The following TACR3 variants were observed in gnomAD, a reference collection of about 807,000 sequenced individuals.
TACR3 encodes neuromedin-K receptor.
Under a neutral mutation model 35.0 loss-of-function variants are expected in TACR3, and 34 were observed. The observed-to-expected ratio is 0.97, with a 90% CI of 0.74 to 1.30. The LOEUF is 1.30. Among genes scored for constraint, TACR3 ranks in the 50% most tolerant of loss-of-function variants. TACR3 has a pLI of 0.00. For missense variants in TACR3, 558 were observed against 591.7 expected, an observed-to-expected ratio of 0.94 and a Z score of 0.59; for synonymous variants, 233 against 221.1, an observed-to-expected ratio of 1.05 and a Z score of -0.48.
chr4:103,591,820 T>C, intron 3 of TACR3, 137 bp from the exon 4 acceptor site: 1 of 863,560 alleles, frequency 1.2e-6, no homozygotes, highest in Non-Finnish European at 1.8e-6. Flanking sequence ...TAAAAAATGG[T>C]GAAGCAATAT....
Position 103,667,279 on chromosome 4 carries a change from AAAAC to A in TACR3, c.549-8880_549-8877del, listed in dbSNP as rs376853464. Among the ~76,000 whole-genome samples the A allele has an allele frequency of 8.1e-3, 1,227 of 152,210 alleles. 19 individuals carry two copies. Among genetic ancestry groups the A allele is most frequent in the African/African-American group, 0.028 (1,174 of 41,518 alleles). ...CTCAAAAACAAAACAAAACAAAACA[AAAAC>A]AAAAAAACTTTGAGCTCAAATATTT... is the stretch of plus-strand genomic sequence containing the variant. On this transcript the variant is annotated intron_variant, in intron 1 of 4. Transcript: ENST00000304883.
At chr4:103,670,812 T>C (rs1560525259) in intron 1 of TACR3, among the ~76,000 whole-genome samples, 1 of 152,186 alleles carries the variant, frequency 6.6e-6, no homozygotes, top group East Asian at 1.9e-4. Context: ...TATTTCTTTC[T>C]CTTGTCTAAC....
intron 3 of TACR3, among the ~76,000 whole-genome samples, chr4:103,606,707 TAAG>T (rs1724377162): frequency 6.6e-6 from 1 of 152,068 alleles, no homozygotes; most frequent in Non-Finnish European, 1.5e-5. Flanking sequence ...CTTATCAGCT[TAAG>T]GAGATTTTGG....
intron 3 of TACR3, among the ~76,000 whole-genome samples, chr4:103,606,297 TG>T (rs1280382663): frequency 2.0e-5 from 3 of 152,086 alleles, no homozygotes; most frequent in Non-Finnish European, 4.4e-5. Context: ...AGGATTGACT[TG>T]GCGATGCGGG....
At chr4:103,643,959 C>T (rs1209468190) in intron 3 of TACR3, among the ~76,000 whole-genome samples, 1 of 151,720 alleles carries the variant, frequency 6.6e-6, no homozygotes, top group Non-Finnish European at 1.5e-5. Context: ...GATATTTCCT[C>T]CTAATGTTTA....
chr4:103,694,827 C>T (rs1430536541), intron 1 of TACR3, among the ~76,000 whole-genome samples: 1 of 151,990 alleles, frequency 6.6e-6, no homozygotes. Context: ...TAGAGAGAGA[C>T]ATTTGATAAT....
intron 1 of TACR3, among the ~76,000 whole-genome samples, chr4:103,686,446 T>C (rs373407663): frequency 6.6e-6 from 1 of 152,140 alleles, no homozygotes; most frequent in African/African-American, 2.4e-5. Flanking sequence ...AACTGAGCAA[T>C]GGTACCATAG....
intron 3 of TACR3, among the ~76,000 whole-genome samples, chr4:103,630,940 T>A (rs976156283): frequency 2.6e-5 from 4 of 152,256 alleles, no homozygotes; most frequent in East Asian, 1.9e-4. Context: ...CAAATGTCCA[T>A]CAATGATAGA....
At chr4:103,655,408 T>C (rs1725711437) in intron 3 of TACR3, among the ~76,000 whole-genome samples, 1 of 152,108 alleles carries the variant, frequency 6.6e-6, no homozygotes, top group South Asian at 2.1e-4. Flanking sequence ...TCATCTTTGA[T>C]AAAACCTCTC....
chr4:103,682,425 A>G (rs557223480), intron 1 of TACR3, among the ~76,000 whole-genome samples: 35 of 152,170 alleles, frequency 2.3e-4, no homozygotes, highest in Non-Finnish European at 2.5e-4. Context: ...CTTACATGGC[A>G]GCAGGCAAGA....
intron 3 of TACR3, among the ~76,000 whole-genome samples, chr4:103,592,426 C>T (rs1723916327): frequency 1.3e-5 from 2 of 152,150 alleles, no homozygotes; most frequent in South Asian, 4.2e-4. Context: ...CAGCTCTAAT[C>T]AAAGTAGAAT....
At chr4:103,680,103 GA>G (rs1444138213) in intron 1 of TACR3, among the ~76,000 whole-genome samples, 1 of 151,702 alleles carries the variant, frequency 6.6e-6, no homozygotes, top group Non-Finnish European at 1.5e-5. Flanking sequence ...CAGTACTTGA[GA>G]ACAGATAAAA....
At chr4:103,628,003 G>A (rs1176651201) in intron 3 of TACR3, among the ~76,000 whole-genome samples, 1 of 152,068 alleles carries the variant, frequency 6.6e-6, no homozygotes, top group African/African-American at 2.4e-5. Context: ...ACTCAAAACT[G>A]CACAACTTCA....
chr4:103,658,068 T>C, intron 2 of TACR3, 147 bp downstream of exon 2: 1 of 789,650 alleles, frequency 1.3e-6, no homozygotes. Context: ...AATCATACCA[T>C]ATTACAGTAT....
At chr4:103,641,547 T>A (rs540877953) in intron 3 of TACR3, among the ~76,000 whole-genome samples, 5 of 152,052 alleles carry the variant, frequency 3.3e-5, no homozygotes, top group African/African-American at 1.2e-4. Flanking sequence ...AGTACAGCCA[T>A]TGCGTAAAAC....
Position 103,589,761 on chromosome 4 carries a change from G to A in TACR3, c.1319C>T (p.Ser440Phe). 6.2e-7 allele frequency: 1 copy of A among 1,613,970 alleles called. No individual in the cohort carries two copies. Among genetic ancestry groups the A allele is most frequent in the Non-Finnish European group, 8.5e-7 (1 of 1,179,892 alleles). ...GGAGGCAGATTTGGAATTCCTGCGA[G>A]AGCAGCCATTGAAACTTGGGTCTCT... ...TPRDPSFNGC[S>F]RRNSKSASAT... Residue 440 changes from serine (S) to phenylalanine (F), a missense_variant, in exon 5 of 5, where the codon TCT (serine) becomes TTT (phenylalanine). Ser to Phe is a radical substitution (Grantham distance 155). Transcript: ENST00000304883.
rs927407298 is a variant in TACR3 at position 103,594,521 on chromosome 4, T to C, written c.889-2838A>G. On this transcript the variant is annotated intron_variant, in intron 3 of 4. Coordinates refer to ENST00000304883, the MANE Select transcript of TACR3 (RefSeq NM_001059.3). The stretch of plus-strand genomic sequence containing the variant: ...GGGCACATGAAAGCATTAGATTTCA[T>C]TCTAAGCAAATGTTAAGAGCAAGTA... Among the ~76,000 whole-genome samples the C allele has an allele frequency of 3.3e-5, 5 of 152,212 alleles. No individual in the cohort carries two copies. In the East Asian group the frequency reaches 7.7e-4, roughly 23 times the overall value.
intron 1 of TACR3, among the ~76,000 whole-genome samples, chr4:103,660,211 A>C (rs1040986223): frequency 2.0e-5 from 3 of 152,052 alleles, no homozygotes; most frequent in Non-Finnish European, 2.9e-5. Flanking sequence ...ATTTACCTAA[A>C]GAAAACAGTC....
intron 3 of TACR3, among the ~76,000 whole-genome samples, chr4:103,642,332 ATTT>A (rs1725372485): frequency 1.4e-5 from 2 of 146,834 alleles, no homozygotes; most frequent in Admixed American, 1.4e-4. Context: ...TACAATTATT[ATTT>A]GTCAATTAAA....
Sources: allele counts gnomAD v4.1 joint callset (sites outside exome capture counted in the v4.1 genomes callset), GRCh38; gene constraint gnomAD v4.1.1; transcripts MANE v1.5; gene names NCBI Gene and HGNC (gene_info 2026-07-23, HGNC 2026-07-21).